The following RASSF1 variants were observed in gnomAD, a reference collection of about 807,000 sequenced individuals.
RASSF1 encodes Ras association domain family member 1.
In RASSF1, 33 loss-of-function variants were observed where a neutral mutation model predicts 34.3. That is an observed-to-expected ratio of 0.96 (90% CI 0.73 to 1.29). RASSF1 has a LOEUF of 1.29. RASSF1 is among the 50% of genes most tolerant of loss of function. RASSF1 has a pLI of 0.00. For missense variants in RASSF1, 445 were observed against 471.8 expected (o/e 0.94, Z 0.53); for synonymous variants, 191 against 195.0 (o/e 0.98, Z 0.17).
At chr3:50,340,410 A>C (rs1575550139) in intron 1 of RASSF1, 146 bp downstream of exon 1, 8 of 1,141,734 alleles carry the variant, frequency 7.0e-6, no homozygotes, top group Non-Finnish European at 9.2e-6. Flanking sequence ...ATTTTCGCGC[A>C]CTCTTCAGCG....
rs775940249 is a variant in RASSF1 at position 50,332,082 on chromosome 3, C to G, written c.430G>C (p.Ala144Pro). The G allele has an allele frequency of 2.7e-5, 44 of 1,614,056 alleles. No homozygotes were observed. In the East Asian group the frequency reaches 9.8e-4, roughly 36 times the overall value. Reference protein sequence around the residue: ...EIEQKIKEYNAQINSNLFMSL... With the variant: ...EIEQKIKEYNPQINSNLFMSL... ...ATGAAGAGGTTGCTGTTGATCTGGG[C>G]ATTGTACTCCTTGATCTTCTGCTCA... Residue 144 changes from alanine to proline, a missense_variant, in exon 3 of 6, where the codon GCC (alanine) becomes CCC (proline). Physicochemically the swap from Ala to Pro is conservative, Grantham distance 27. Coordinates refer to ENST00000359365, the MANE Select transcript of RASSF1 (RefSeq NM_007182.5).
chr3:50,331,408 GC>G lies in RASSF1; in HGVS notation c.801del (p.Leu268CysfsTer12), dbSNP rs1702933617. The G allele has an allele frequency of 1.2e-6, 2 of 1,605,020 alleles. No homozygotes were observed. Among genetic ancestry groups the G allele is most frequent in the Non-Finnish European group, 1.7e-6 (2 of 1,174,486 alleles). Reference sequence around the variant, plus strand: ...TCACTGGGCCCTGCCAGGAGCCGCAGCCGCAGGGGCTGCTCATCATCCAACA... The same window carrying G: ...TCACTGGGCCCTGCCAGGAGCCGCAGCGCAGGGGCTGCTCATCATCCAACA... The part of the protein sequence containing the change: ...RKLLDDEQPL[R>X]LRLLAGPSDK... On this transcript the variant is annotated frameshift_variant, in exon 5 of 6. Coordinates refer to ENST00000359365, the MANE Select transcript of RASSF1 (RefSeq NM_007182.5). LOFTEE classifies it high-confidence loss of function.
intron 2 of RASSF1, chr3:50,337,503 G>C: frequency 6.5e-7 from 1 of 1,531,206 alleles, no homozygotes. Context: ...AGGAACGCCG[G>C]GGCGGGGACA....
At position 50,330,436 on chromosome 3, in the gene RASSF1, A is replaced by C. The variant is rs2073497; in HGVS notation, c.*145T>G. The C allele has an allele frequency of 0.048, 55,132 of 1,143,366 alleles. 10,134 individuals are homozygous for C. The East Asian group carries it at 0.54, about 11-fold the overall frequency. The allele number at this position is 1,143,366 out of a possible 1,614,324, so 70.8% of individuals were successfully genotyped here. A position where few individuals can be genotyped will look rare whatever the true frequency, so the allele number is the denominator to read the frequency against. On this transcript the variant is annotated 3_prime_UTR_variant, in exon 6 of 6. Coordinates refer to ENST00000359365, the MANE Select transcript of RASSF1 (RefSeq NM_007182.5). This position sits in a 1 kb window ranked among gnomAD's most constrained non-coding sequence, Gnocchi z 4.5. ...CACAGGTGGACACAGGGAGCAAGCTACTTCGCTGTTCTCTGGGCTCATTCC... is the reference window on the plus strand; with the variant it reads ...CACAGGTGGACACAGGGAGCAAGCTCCTTCGCTGTTCTCTGGGCTCATTCC...
At chr3:50,332,015 C>A in intron 3 of RASSF1, 35 bp downstream of exon 3, 1 of 1,602,618 alleles carries the variant, frequency 6.2e-7, no homozygotes, top group South Asian at 1.1e-5. Flanking sequence ...GGTACCTGCT[C>A]CTCCCCACGC....
chr3:50,338,622 G>T (rs895846554), intron 1 of RASSF1, among the ~76,000 whole-genome samples: 1 of 152,142 alleles, frequency 6.6e-6, no homozygotes, highest in Non-Finnish European at 1.5e-5. Flanking sequence ...CCATTTACTT[G>T]AAGGAAAAAC....
chr3:50,335,125 T>G (rs921254148), intron 2 of RASSF1, among the ~76,000 whole-genome samples: 4 of 151,988 alleles, frequency 2.6e-5, no homozygotes, highest in African/African-American at 9.7e-5. Flanking sequence ...ATTTTTTGTA[T>G]TTTTAGTCGA....
chr3:50,331,297 C>A (rs767560814), intron 5 of RASSF1, 37 bp downstream of exon 5: 23 of 1,443,736 alleles, frequency 1.6e-5, no homozygotes, highest in Non-Finnish European at 1.9e-5. Flanking sequence ...TCAGTCCTGT[C>A]TAGTGACAAC....
intron 1 of RASSF1, among the ~76,000 whole-genome samples, chr3:50,338,464 G>T (rs1703246033): frequency 2.0e-5 from 3 of 152,142 alleles, no homozygotes; most frequent in Admixed American, 1.3e-4. Context: ...ATTTTTAGTA[G>T]AGACGGGGTT....
chr3:50,332,194 A>T, intron 2 of RASSF1, 40 bp from the exon 3 acceptor site: 2 of 1,576,096 alleles, frequency 1.3e-6, no homozygotes, highest in Non-Finnish European at 1.7e-6. Context: ...CCCTTGAGGA[A>T]CCCAGGGCTT....
chr3:50,331,179 C>T (rs1702920629), intron 5 of RASSF1, among the ~76,000 whole-genome samples, 155 bp downstream of exon 5: 1 of 152,206 alleles, frequency 6.6e-6, no homozygotes. Flanking sequence ...CATGAGTGGT[C>T]TGGAAGCCTT....
chr3:50,337,333 C>T, intron 2 of RASSF1: 5 of 1,611,064 alleles, frequency 3.1e-6, no homozygotes, highest in Non-Finnish European at 4.2e-6. Flanking sequence ...CGTACCCGCC[C>T]GTCCCCCAGT....
At chr3:50,333,684 T>A (rs1703025574) in intron 2 of RASSF1, among the ~76,000 whole-genome samples, 1 of 152,166 alleles carries the variant, frequency 6.6e-6, no homozygotes, top group Non-Finnish European at 1.5e-5. Flanking sequence ...TTCACCACAT[T>A]GGCCAGGTTG....
intron 2 of RASSF1, 179 bp downstream of exon 2, chr3:50,337,726 G>A: frequency 2.4e-6 from 2 of 850,288 alleles, no homozygotes; most frequent in Non-Finnish European, 3.6e-6. Flanking sequence ...TGGAGTACTT[G>A]CGGAGCCGGC....
rs772246005 is a variant in RASSF1, at chr3:50,337,526, C to T, written c.357+379G>A. 13 of 1,517,484 alleles carry T rather than the reference C, an allele frequency of 8.6e-6. No individual in the cohort carries two copies. The Admixed American group carries it at 1.0e-4, about 12-fold the overall frequency. 94.0% of individuals were successfully genotyped at this position (1,517,484 alleles called of 1,614,324 possible). A position where few individuals can be genotyped will look rare whatever the true frequency, so the allele number is the denominator to read the frequency against. The stretch of plus-strand genomic sequence containing the variant: ...CGGGGCGGGGACACGCACGCTTCGC[C>T]CCCAGGAATGACCTCATCGCTCCGG... On this transcript the variant is annotated intron_variant, in intron 2 of 5. Transcript: ENST00000359365.
intron 2 of RASSF1, chr3:50,337,446 AG>A: frequency 6.4e-7 from 1 of 1,571,440 alleles, no homozygotes; most frequent in Non-Finnish European, 8.6e-7. Context: ...GCAACCGTTA[AG>A]ACTGAAACGT....
At chr3:50,333,722 C>T (rs1575542684) in intron 2 of RASSF1, among the ~76,000 whole-genome samples, 2 of 152,156 alleles carry the variant, frequency 1.3e-5, no homozygotes, top group Admixed American at 1.3e-4. Flanking sequence ...TCAAGTGATC[C>T]GCCTGCCTTC....
chr3:50,335,350 T>C (rs1703097661), intron 2 of RASSF1, among the ~76,000 whole-genome samples: 1 of 142,904 alleles, frequency 7.0e-6, no homozygotes, highest in South Asian at 2.3e-4. Flanking sequence ...AGAGTCTTGC[T>C]CTCTCATCCA....
Position 50,340,634 on chromosome 3 carries a change from C to T in RASSF1, c.172G>A (p.Gly58Arg), listed in dbSNP as rs980808179. 1.2e-5 allele frequency: 19 copies of T among 1,526,682 alleles called. No homozygotes were observed. In the African/African-American group the frequency reaches 2.2e-4, roughly 17 times the overall value. 94.6% of individuals were successfully genotyped at this position (1,526,682 alleles called of 1,614,324 possible). Residue 58 changes from glycine to arginine, a missense_variant, in exon 1 of 6, where the codon GGG becomes AGG. Coordinates refer to ENST00000359365, the MANE Select transcript of RASSF1 (RefSeq NM_007182.5). ...TCGCACCACGTGTGCGTGGCGGGCC[C>T]CGCGGGCTGGAAGCGGTGGCCACGG... Reference protein sequence around the residue: ...PGRGHRFQPAGPATHTWCDLC... With the variant: ...PGRGHRFQPARPATHTWCDLC...
Sources: allele counts gnomAD v4.1 joint callset (sites outside exome capture counted in the v4.1 genomes callset), GRCh38; gene constraint gnomAD v4.1.1; non-coding constraint Gnocchi (gnomAD v3.1); transcripts MANE v1.5; gene names NCBI Gene and HGNC (gene_info 2026-07-23, HGNC 2026-07-21).